Variants in PIK3C2G observed in about 807,000 individuals in gnomAD.
The protein encoded by PIK3C2G is phosphatidylinositol 3-kinase C2 domain-containing subunit gamma.
Under a neutral mutation model 181.1 loss-of-function variants are expected in PIK3C2G, and 168 were observed. The observed-to-expected ratio is 0.93, with a 90% CI of 0.82 to 1.05. The LOEUF is 1.05. PIK3C2G is among the 50% of genes least tolerant of loss of function. PIK3C2G has a pLI of 0.00. For missense variants in PIK3C2G, 1,869 were observed against 1,732.8 expected, an observed-to-expected ratio of 1.08 and a Z score of -1.40; for synonymous variants, 573 against 592.2, an observed-to-expected ratio of 0.97 and a Z score of 0.47.
At chr12:18,442,940 C>T (rs1044525829) in intron 18 of PIK3C2G, among the ~76,000 whole-genome samples, 6 of 151,502 alleles carry the variant, frequency 4.0e-5, no homozygotes, top group Non-Finnish European at 7.4e-5. Context: ...GGTGCAATCT[C>T]GGCTCACTGC....
At chr12:18,363,932 G>A (rs1941455057) in intron 12 of PIK3C2G, among the ~76,000 whole-genome samples, 1 of 152,104 alleles carries the variant, frequency 6.6e-6, no homozygotes, top group Non-Finnish European at 1.5e-5. Flanking sequence ...CTTTGGGTAA[G>A]GTTCTTTATT....
At chr12:18,303,134 C>CTTTCTTTCTTTCTTTCTTTCTTTCTTTCT (rs1018775688) in intron 5 of PIK3C2G, among the ~76,000 whole-genome samples, 1 of 142,688 alleles carries the variant, frequency 7.0e-6, no homozygotes, top group Non-Finnish European at 1.6e-5. Flanking sequence ...TTCTTTCTTT[C>CTTTCTTTCTTTCTTTCTTTCTTTCTTTCT]TTTCTTTTCT....
intron 30 of PIK3C2G, among the ~76,000 whole-genome samples, chr12:18,596,857 A>G (rs1004945330): frequency 6.6e-6 from 1 of 152,090 alleles, no homozygotes; most frequent in African/African-American, 2.4e-5. Context: ...TCAGGTTTTC[A>G]ATTAAAATGT....
chr12:18,397,842 A>T (rs566047410), intron 15 of PIK3C2G, among the ~76,000 whole-genome samples: 1 of 152,078 alleles, frequency 6.6e-6, no homozygotes, highest in Non-Finnish European at 1.5e-5. Context: ...CTTTATTCAT[A>T]ATACCCCCCC....
At chr12:18,278,730 T>C (rs2137100369) in intron 1 of PIK3C2G, among the ~76,000 whole-genome samples, 1 of 152,258 alleles carries the variant, frequency 6.6e-6, no homozygotes, top group Non-Finnish European at 1.5e-5. Context: ...TATACATTAC[T>C]TCATAATGCA....
chr12:18,254,146 TA>T (rs35047965), intron 1 of PIK3C2G, among the ~76,000 whole-genome samples: 5,562 of 152,268 alleles, frequency 0.037, 237 homozygotes, highest in East Asian at 0.17. Context: ...TAGAAGAATT[TA>T]AAAACCAACC....
At chr12:18,549,452 T>C (rs1317485091) in intron 26 of PIK3C2G, among the ~76,000 whole-genome samples, 1 of 152,064 alleles carries the variant, frequency 6.6e-6, no homozygotes, top group African/African-American at 2.4e-5. Context: ...CTTACAGTAA[T>C]GTATTTAACT....
At chr12:18,492,335 A>G (rs1940647488) in intron 20 of PIK3C2G, among the ~76,000 whole-genome samples, 1 of 152,224 alleles carries the variant, frequency 6.6e-6, no homozygotes, top group South Asian at 2.1e-4. Flanking sequence ...AACAAACCCA[A>G]TAATTAGGTG....
chr12:18,588,904 T>TG (rs1456792633), intron 29 of PIK3C2G, among the ~76,000 whole-genome samples: 5 of 152,122 alleles, frequency 3.3e-5, no homozygotes, highest in Non-Finnish European at 7.4e-5. Context: ...TGAAATGCTA[T>TG]GCGGTCATAA....
intron 12 of PIK3C2G, among the ~76,000 whole-genome samples, chr12:18,368,907 C>G (rs1044215219): frequency 6.6e-6 from 1 of 152,100 alleles, no homozygotes; most frequent in South Asian, 2.1e-4. Flanking sequence ...TGATTTGAAA[C>G]CCTGGGTAAA....
At position 18,569,189 on chromosome 12, in the gene PIK3C2G, G is replaced by A. The variant is rs939284728; in HGVS notation, c.4011+2132G>A. On this transcript the variant is annotated intron_variant, in intron 29 of 32. Transcript: ENST00000538779. Reference sequence around the variant, plus strand: ...CAATTTCTTTTGGAATGGTCACTGCGGGAGCCTTCAGTTGCCATCTTTCAA... The same window carrying A: ...CAATTTCTTTTGGAATGGTCACTGCAGGAGCCTTCAGTTGCCATCTTTCAA... Among the ~76,000 whole-genome samples the A allele has an allele frequency of 5.9e-5, 9 of 151,970 alleles. No individual in the cohort carries two copies. The East Asian group carries it at 7.8e-4, about 13-fold the overall frequency.
rs753741051 is a variant in PIK3C2G, at chr12:18,346,629, C to T, written c.1430-12C>T. ...CTTCTTAGTGACTTGATCTCTATCT[C>T]TTCCTTTCTAGGCTTGATAGAGAAG... On this transcript the variant is annotated splice_polypyrimidine_tract_variant and intron_variant, in intron 10 of 32. Coordinates refer to ENST00000538779, the MANE Select transcript of PIK3C2G (RefSeq NM_001288772.2). The T allele has an allele frequency of 1.3e-6, 2 of 1,562,056 alleles. No individual in the cohort carries two copies. Among genetic ancestry groups the T allele is most frequent in the East Asian group, 4.6e-5 (2 of 43,796 alleles).
chr12:18,483,559 G>GT (rs933407098), intron 18 of PIK3C2G, among the ~76,000 whole-genome samples: 7 of 151,776 alleles, frequency 4.6e-5, no homozygotes, highest in South Asian at 2.1e-4. Context: ...TACTTTTATA[G>GT]TTTTTTTTAT....
chr12:18,577,979 A>G (rs1046408169), intron 29 of PIK3C2G, among the ~76,000 whole-genome samples: 2 of 152,088 alleles, frequency 1.3e-5, no homozygotes, highest in African/African-American at 4.8e-5. Flanking sequence ...TACATTTTAT[A>G]CTCTCTGGCC....
At chr12:18,412,527 G>T in intron 16 of PIK3C2G, among the ~76,000 whole-genome samples, 1 of 151,952 alleles carries the variant, frequency 6.6e-6, no homozygotes, top group East Asian at 1.9e-4. Flanking sequence ...AAAGAGACTC[G>T]CAAAAATGTA....
In PIK3C2G at chr12:18,647,882, TATG is replaced by T; in HGVS notation, c.4320_4322del (p.Asp1440del). On this transcript the variant is annotated inframe_deletion, in exon 33 of 33. Transcript: ENST00000538779. The stretch of plus-strand genomic sequence containing the variant: ...TTATTTTCTCCGTTTTTAGGTAGTA[TATG>T]ATGAAGTCACAGAGCTCCAAGGACA... 2 of 1,543,122 alleles carry T rather than the reference TATG, an allele frequency of 1.3e-6. No individual in the cohort carries two copies. The highest frequency in any genetic ancestry group is 1.8e-6 in the Non-Finnish European group (2 of 1,139,754).
At chr12:18,652,751 G>C (rs981291690), downstream of PIK3C2G, among the ~76,000 whole-genome samples, 1 of 152,008 alleles carries the variant, frequency 6.6e-6, no homozygotes, top group African/African-American at 2.4e-5. Flanking sequence ...CTTTTTACAT[G>C]TATATTTTAT....
intron 32 of PIK3C2G, among the ~76,000 whole-genome samples, chr12:18,644,960 T>G (rs10505827): frequency 0.15 from 23,231 of 152,216 alleles, 2,281 homozygotes; most frequent in East Asian, 0.44. Context: ...CAACTAATGT[T>G]CAGTAAATTC....
rs1942050538 is a variant in PIK3C2G, at chr12:18,371,389, G to A, written c.1880+78G>A. The A allele has an allele frequency of 3.4e-6, 4 of 1,165,402 alleles. No homozygotes were observed. The South Asian group carries it at 7.3e-5, about 21-fold the overall frequency. 72.2% of individuals were successfully genotyped at this position (1,165,402 alleles called of 1,614,324 possible). ...AGAAGTAAATATTTTGGAGTATATG[G>A]CATAATGAGGAAATCAAGACATTTT... On this transcript the variant is annotated intron_variant, in intron 13 of 32. Coordinates refer to ENST00000538779, the MANE Select transcript of PIK3C2G (RefSeq NM_001288772.2).
Sources: gnomAD v4.1 joint callset for allele counts (sites outside exome capture counted in the v4.1 genomes callset) on GRCh38, gnomAD v4.1.1 for gene constraint, MANE v1.5 for transcripts, NCBI Gene and HGNC (gene_info 2026-07-23, HGNC 2026-07-21) for gene names.